Variants in DLG2 observed in about 807,000 individuals in gnomAD.
DLG2 encodes disks large homolog 2.
A neutral mutation model predicts 132.5 loss-of-function variants in DLG2; 45 were observed. The observed-to-expected ratio is 0.34, with a 90% CI of 0.27 to 0.44. The LOEUF (loss-of-function observed/expected upper bound fraction) is 0.44. DLG2 is among the 20% of genes least tolerant of loss of function. The pLI is 1.00. For missense variants in DLG2, 1,045 were observed against 1,196.9 expected (o/e 0.87, Z 1.87); for synonymous variants, 424 against 419.6 (o/e 1.01, Z -0.13).
chr11:84,306,214 C>A (rs919603681), intron 7 of DLG2, among the ~76,000 whole-genome samples: 5 of 151,868 alleles, frequency 3.3e-5, no homozygotes, highest in Non-Finnish European at 7.4e-5. Context: ...AATTATTTCA[C>A]AATGTATACA....
chr11:83,465,980 C>A (rs566845300), intron 26 of DLG2, among the ~76,000 whole-genome samples: 1 of 152,102 alleles, frequency 6.6e-6, no homozygotes, highest in East Asian at 1.9e-4. Context: ...ACAGTCAGAT[C>A]GTGAATGTCT....
At chr11:85,314,005 A>G (rs1309456586) in intron 3 of DLG2, among the ~76,000 whole-genome samples, 1 of 152,066 alleles carries the variant, frequency 6.6e-6, no homozygotes, top group African/African-American at 2.4e-5. Context: ...TATAAGGAAG[A>G]GCTTTACAGA....
At chr11:83,672,473 G>A (rs1308073544) in intron 18 of DLG2, among the ~76,000 whole-genome samples, 2 of 152,030 alleles carry the variant, frequency 1.3e-5, no homozygotes, top group African/African-American at 4.8e-5. Flanking sequence ...CACCGTGCCC[G>A]GCCTCCTTGA....
intron 6 of DLG2, among the ~76,000 whole-genome samples, chr11:85,076,781 T>C (rs1486577914): frequency 3.3e-5 from 5 of 152,018 alleles, no homozygotes; most frequent in Non-Finnish European, 7.4e-5. Flanking sequence ...TACTTTAACG[T>C]TGGCTTGTCC....
intron 9 of DLG2, among the ~76,000 whole-genome samples, chr11:84,154,142 C>CA (rs1222561267): frequency 6.6e-6 from 1 of 152,104 alleles, no homozygotes; most frequent in Non-Finnish European, 1.5e-5. Flanking sequence ...GGACTACAGG[C>CA]ACACGCCAAC....
chr11:85,228,175 A>T (rs2075087269), intron 4 of DLG2, among the ~76,000 whole-genome samples: 1 of 152,092 alleles, frequency 6.6e-6, no homozygotes, highest in Non-Finnish European at 1.5e-5. Flanking sequence ...TAGGCCTAGA[A>T]TAGTAGCTAG....
chr11:84,302,265 G>T (rs1294560997), intron 7 of DLG2, among the ~76,000 whole-genome samples: 1 of 152,108 alleles, frequency 6.6e-6, no homozygotes. Context: ...GTTGATGGGT[G>T]CAGCAAACCA....
At chr11:84,535,097 T>C (rs896197635) in intron 6 of DLG2, among the ~76,000 whole-genome samples, 2 of 152,328 alleles carry the variant, frequency 1.3e-5, no homozygotes, top group South Asian at 2.1e-4. Flanking sequence ...TTCTAGGTTA[T>C]GGATGGAGAA....
chr11:83,652,186 C>T (rs1486157330), intron 18 of DLG2, among the ~76,000 whole-genome samples: 1 of 152,132 alleles, frequency 6.6e-6, no homozygotes, highest in Non-Finnish European at 1.5e-5. Context: ...AGCTTGGAGC[C>T]ACAAAGCAGC....
chr11:85,338,935 G>A (rs1052664976), intron 3 of DLG2, among the ~76,000 whole-genome samples: 14 of 151,808 alleles, frequency 9.2e-5, no homozygotes, highest in East Asian at 1.9e-4. Flanking sequence ...CTCGTGATCC[G>A]CCCGCCTCGG....
At chr11:85,496,748 T>G (rs2093676833) in intron 3 of DLG2, among the ~76,000 whole-genome samples, 1 of 152,194 alleles carries the variant, frequency 6.6e-6, no homozygotes, top group South Asian at 2.1e-4. Context: ...CAATATTTGC[T>G]GTTCTGCAAC....
chr11:85,438,221 T>A (rs993705374), intron 3 of DLG2, among the ~76,000 whole-genome samples: 1 of 152,158 alleles, frequency 6.6e-6, no homozygotes, highest in African/African-American at 2.4e-5. Flanking sequence ...AAACTGGTCA[T>A]AAGACATCTG....
chr11:85,613,418 C>T (rs1053572550), intron 2 of DLG2, among the ~76,000 whole-genome samples: 25 of 152,158 alleles, frequency 1.6e-4, no homozygotes, highest in Admixed American at 4.6e-4. Flanking sequence ...GAGCAGTCAT[C>T]GGCCAAATTC....
At chr11:83,985,170 G>A (rs1363099089) in intron 11 of DLG2, among the ~76,000 whole-genome samples, 1 of 152,016 alleles carries the variant, frequency 6.6e-6, no homozygotes, top group Non-Finnish European at 1.5e-5. Context: ...TGTTAAAGCA[G>A]GGGCAGGCTC....
intron 6 of DLG2, among the ~76,000 whole-genome samples, chr11:84,741,764 A>T (rs997638289): frequency 1.3e-5 from 2 of 152,192 alleles, no homozygotes; most frequent in African/African-American, 4.8e-5. Context: ...AAAAGTAAGG[A>T]AACATGGTAT....
intron 15 of DLG2, among the ~76,000 whole-genome samples, chr11:83,880,497 G>C (rs991476753): frequency 6.6e-6 from 1 of 152,176 alleles, no homozygotes; most frequent in Non-Finnish European, 1.5e-5. Context: ...CCTCCTGAAA[G>C]TGAAATTATC....
intron 7 of DLG2, among the ~76,000 whole-genome samples, chr11:84,251,700 T>C (rs191842852): frequency 1.1e-3 from 152 of 144,010 alleles, no homozygotes; most frequent in African/African-American, 3.7e-3. Context: ...TGGAGTGCAG[T>C]GGTGCAATCT....
At chr11:83,984,192 TGATA>T (rs56166694) in intron 11 of DLG2, among the ~76,000 whole-genome samples, 27,342 of 141,934 alleles carry the variant, frequency 0.19, 2,507 homozygotes, top group South Asian at 0.24. Flanking sequence ...GATAGATAGA[TGATA>T]GATAGATAGA....
intron 22 of DLG2, chr11:83,483,321 A>C (rs368978804): frequency 2.5e-6 from 4 of 1,604,334 alleles, no homozygotes; most frequent in Non-Finnish European, 3.4e-6. Flanking sequence ...CCCCAGAGAG[A>C]GCAATGAGAG....
Sources: allele counts gnomAD v4.1 joint callset (sites outside exome capture counted in the v4.1 genomes callset), GRCh38; gene constraint gnomAD v4.1.1; transcripts MANE v1.5; gene names NCBI Gene and HGNC (gene_info 2026-07-23, HGNC 2026-07-21).